RPRD1B: variants seen among roughly 807,000 people sequenced by gnomAD.
RPRD1B encodes regulation of nuclear pre-mRNA domain-containing protein 1B.
A neutral mutation model predicts 41.5 loss-of-function variants in RPRD1B; 11 were observed. The observed-to-expected ratio is 0.27, with a 90% CI of 0.17 to 0.44. The LOEUF is 0.44. RPRD1B is among the 20% of genes least tolerant of loss of function. RPRD1B has a pLI of 1.00. For synonymous variants in RPRD1B, 158 were observed against 155.6 expected, an observed-to-expected ratio of 1.02 and a Z score of -0.12; for missense variants, 248 against 389.9, an observed-to-expected ratio of 0.64 and a Z score of 3.06.
intron 6 of RPRD1B, among the ~76,000 whole-genome samples, chr20:38,076,841 A>G (rs1398915008): frequency 2.0e-5 from 3 of 147,826 alleles, no homozygotes; most frequent in African/African-American, 5.0e-5. Flanking sequence ...TCATCCTTCA[A>G]TAAGCTTTTC....
rs367991288 is a variant in RPRD1B at position 38,076,949 on chromosome 20, C to T, written c.831+10693C>T. On this transcript the variant is annotated intron_variant, in intron 6 of 6. Transcript: ENST00000373433. ...TTTTTTTTTTTTTGAGATGGAGTCTCGCTGTTGCCCAGGCTGTAGTGCAGT... is the reference window on the plus strand; with the variant it reads ...TTTTTTTTTTTTTGAGATGGAGTCTTGCTGTTGCCCAGGCTGTAGTGCAGT... 1.1e-3 allele frequency among the ~76,000 whole-genome samples: 105 copies of T among 91,364 alleles called. 2 individuals are homozygous for T. The highest frequency in any genetic ancestry group is 2.1e-3 in the Admixed American group (14 of 6,588). The allele number at this position is 91,364 out of a possible 152,430, so 59.9% of individuals were successfully genotyped here. A position where few individuals can be genotyped will look rare whatever the true frequency, so the allele number is the denominator to read the frequency against.
chr20:38,048,676 C>T, intron 3 of RPRD1B, 195 bp downstream of exon 3: 2 of 778,426 alleles, frequency 2.6e-6, no homozygotes, highest in Non-Finnish European at 3.1e-6. Context: ...TCATGCTATT[C>T]ATCCTCTCAC....
At chr20:38,039,486 C>T (rs1437214828) in intron 1 of RPRD1B, among the ~76,000 whole-genome samples, 1 of 151,502 alleles carries the variant, frequency 6.6e-6, no homozygotes, top group Non-Finnish European at 1.5e-5. Context: ...CTCACCACAA[C>T]CTCTACCTCC....
chr20:38,060,539 G>C (rs1026169953), intron 5 of RPRD1B, among the ~76,000 whole-genome samples: 3 of 152,162 alleles, frequency 2.0e-5, no homozygotes, highest in Admixed American at 2.0e-4. Flanking sequence ...TTTGGGGAAA[G>C]CCTTTCTGAT....
intron 3 of RPRD1B, among the ~76,000 whole-genome samples, chr20:38,050,045 T>C (rs768977218): frequency 6.6e-6 from 1 of 152,222 alleles, no homozygotes; most frequent in Non-Finnish European, 1.5e-5. Context: ...GCAACTCTCA[T>C]TCTGACATCT....
intron 3 of RPRD1B, among the ~76,000 whole-genome samples, chr20:38,054,820 AT>A (rs1277406171): frequency 6.6e-6 from 1 of 152,216 alleles, no homozygotes; most frequent in East Asian, 1.9e-4. Context: ...AGTATAAAAA[AT>A]TTTGAAGTTT....
intron 6 of RPRD1B, among the ~76,000 whole-genome samples, chr20:38,077,323 A>C (rs1037700452): frequency 6.6e-6 from 1 of 152,048 alleles, no homozygotes; most frequent in Admixed American, 6.5e-5. Flanking sequence ...CATGTACTTC[A>C]GACTCATGTA....
intron 3 of RPRD1B, among the ~76,000 whole-genome samples, chr20:38,049,030 A>T (rs1019180011): frequency 6.6e-6 from 1 of 151,718 alleles, no homozygotes; most frequent in Non-Finnish European, 1.5e-5. Context: ...GCTCACTGCA[A>T]CCTCCGCCTC....
intron 2 of RPRD1B, among the ~76,000 whole-genome samples, chr20:38,044,841 A>C (rs1460998570): frequency 6.6e-6 from 1 of 152,170 alleles, no homozygotes; most frequent in Non-Finnish European, 1.5e-5. Context: ...AACCAGCTTT[A>C]CATGAGGTAC....
intron 6 of RPRD1B, among the ~76,000 whole-genome samples, chr20:38,071,695 A>C (rs967225111): frequency 4.6e-5 from 7 of 152,284 alleles, no homozygotes; most frequent in African/African-American, 1.7e-4. Context: ...ATCCTCATCA[A>C]CATTTGTTAT....
At chr20:38,063,557 G>C (rs2074322541) in intron 5 of RPRD1B, among the ~76,000 whole-genome samples, 1 of 152,222 alleles carries the variant, frequency 6.6e-6, no homozygotes, top group Admixed American at 6.5e-5. Context: ...AGCTGCAAGG[G>C]GGAGCAGGGA....
intron 6 of RPRD1B, among the ~76,000 whole-genome samples, chr20:38,083,737 C>A (rs1001117364): frequency 6.6e-6 from 1 of 152,138 alleles, no homozygotes; most frequent in African/African-American, 2.4e-5. Context: ...ACCTTTATTA[C>A]GGGTTTTGAT....
rs530734957 is a variant in RPRD1B at position 38,083,796 on chromosome 20, CTCT to C, written c.832-5925_832-5923del. 50 of 152,284 alleles carry C rather than the reference CTCT, an allele frequency of 3.3e-4. No homozygotes were observed. In the East Asian group the frequency reaches 5.6e-3, roughly 17 times the overall value. The allele number at this position is 152,284 out of a possible 1,614,324, so 9.4% of individuals were successfully genotyped here. A position where few individuals can be genotyped will look rare whatever the true frequency, so the allele number is the denominator to read the frequency against. On this transcript the variant is annotated intron_variant, in intron 6 of 6. Coordinates refer to ENST00000373433, the MANE Select transcript of RPRD1B (RefSeq NM_021215.4). ...ATTGGGATTGGAGCCACAATTTCTT[CTCT>C]TCTTTGTATCTTACCCAGTGTCTTA... is the stretch of plus-strand genomic sequence containing the variant.
chr20:38,044,762 G>T (rs6063967), intron 2 of RPRD1B, among the ~76,000 whole-genome samples: 41,719 of 151,974 alleles, frequency 0.27, 7,901 homozygotes, highest in African/African-American at 0.54. Context: ...AGGGACACTC[G>T]GAAATCCCAA....
chr20:38,091,570 G>A lies in RPRD1B; in HGVS notation c.*1695G>A, dbSNP rs2074612019. 1.0e-6 allele frequency: 1 copy of A among 985,238 alleles called. No individual in the cohort carries two copies. Among genetic ancestry groups the A allele is most frequent in the South Asian group, 4.7e-5 (1 of 21,286 alleles). The allele number at this position is 985,238 out of a possible 1,614,324, so 61.0% of individuals were successfully genotyped here. A position where few individuals can be genotyped will look rare whatever the true frequency, so the allele number is the denominator to read the frequency against. On this transcript the variant is annotated 3_prime_UTR_variant, in exon 7 of 7. Transcript: ENST00000373433. ...AAGGTTTTTCTTCCAGAGGCCATAGGTGACATCACTAAAATTGCAAGATAA... is the reference window on the plus strand; with the variant it reads ...AAGGTTTTTCTTCCAGAGGCCATAGATGACATCACTAAAATTGCAAGATAA...
At chr20:38,083,795 T>C (rs1213195403) in intron 6 of RPRD1B, 1 of 152,188 alleles carries the variant, frequency 6.6e-6, no homozygotes, top group East Asian at 1.9e-4. Flanking sequence ...CACAATTTCT[T>C]CTCTTCTTTG....
rs537908593 is a variant in RPRD1B, at chr20:38,034,269, G to A, written c.151+171G>A. On this transcript the variant is annotated intron_variant, in intron 1 of 6. Transcript: ENST00000373433. ...TCTCGAAGAAGGAAACTGAGGCCCG[G>A]GAAGGTTTAAGGTACTTGCCTGAGG... is the stretch of plus-strand genomic sequence containing the variant. 3.9e-5 allele frequency among the ~76,000 whole-genome samples: 6 copies of A among 152,332 alleles called. No homozygotes were observed. In the South Asian group the frequency reaches 1.2e-3, roughly 32 times the overall value.
chr20:38,091,489 T>G lies in RPRD1B; in HGVS notation c.*1614T>G, dbSNP rs2074611389. 2 of 985,450 alleles carry G rather than the reference T, an allele frequency of 2.0e-6. No individual in the cohort carries two copies. Among genetic ancestry groups the G allele is most frequent in the Middle Eastern group, 5.2e-4 (1 of 1,914 alleles). The allele number at this position is 985,450 out of a possible 1,614,324, so 61.0% of individuals were successfully genotyped here. A position where few individuals can be genotyped will look rare whatever the true frequency, so the allele number is the denominator to read the frequency against. The stretch of plus-strand genomic sequence containing the variant: ...TTCAGATTTGAATTCAGACTGTGTG[T>G]TGTTTGCTTATGGACACTGCCTGTC... On this transcript the variant is annotated 3_prime_UTR_variant, in exon 7 of 7. Coordinates refer to ENST00000373433, the MANE Select transcript of RPRD1B (RefSeq NM_021215.4).
intron 1 of RPRD1B, among the ~76,000 whole-genome samples, chr20:38,034,461 C>T (rs573414617): frequency 3.3e-5 from 5 of 152,310 alleles, no homozygotes; most frequent in Non-Finnish European, 5.9e-5. Flanking sequence ...AGCCAGTGGG[C>T]TCCGGAGTCA....
Sources: gnomAD v4.1 joint callset for allele counts (sites outside exome capture counted in the v4.1 genomes callset) on GRCh38, gnomAD v4.1.1 for gene constraint, MANE v1.5 for transcripts, NCBI Gene and HGNC (gene_info 2026-07-23, HGNC 2026-07-21) for gene names.